The following TENM2 variants were observed in gnomAD, a reference collection of about 807,000 sequenced individuals.
TENM2 encodes teneurin-2.
In TENM2, 52 loss-of-function variants were observed where a neutral mutation model predicts 245.2. That is an observed-to-expected ratio of 0.21 (90% CI 0.17 to 0.27). The LOEUF (loss-of-function observed/expected upper bound fraction) is 0.27, where lower values mean the gene tolerates loss of function less well. Ranked by LOEUF, TENM2 falls within the 10% of genes least tolerant of loss-of-function variation. The probability of loss-of-function intolerance (pLI) is 1.00; values close to 1 mark genes in which losing one functional copy is unlikely to be tolerated. For missense variants in TENM2, 3,046 were observed against 3,666.8 expected, an observed-to-expected ratio of 0.83 and a Z score of 4.37; for synonymous variants, 1,363 against 1,438.9, an observed-to-expected ratio of 0.95 and a Z score of 1.19.
At chr5:167,851,210 A>G (rs1770549976) in intron 2 of TENM2, among the ~76,000 whole-genome samples, 1 of 152,104 alleles carries the variant, frequency 6.6e-6, no homozygotes, top group Non-Finnish European at 1.5e-5. Context: ...GGCAGAGGGG[A>G]TAAACTGTGA....
chr5:167,033,898 A>C, the TENM2 span, among the ~76,000 whole-genome samples: 1 of 152,218 alleles, frequency 6.6e-6, no homozygotes, highest in South Asian at 2.1e-4. Flanking sequence ...GGGGAGGTGG[A>C]GTATGGTATT....
chr5:167,515,707 C>CA (rs1770333813), intron 2 of TENM2, among the ~76,000 whole-genome samples: 1 of 61,186 alleles, frequency 1.6e-5, no homozygotes, highest in African/African-American at 5.7e-5. Flanking sequence ...GCTCTGTTGC[C>CA]CAGACTGGAG....
chr5:168,217,174 C>T (rs1465033768), intron 22 of TENM2, among the ~76,000 whole-genome samples: 3 of 152,184 alleles, frequency 2.0e-5, no homozygotes, highest in African/African-American at 7.2e-5. Context: ...GTGACACACT[C>T]CAGCCGTGGC....
chr5:168,116,537 C>T (rs1172776859), intron 9 of TENM2, among the ~76,000 whole-genome samples: 1 of 152,274 alleles, frequency 6.6e-6, no homozygotes, highest in Non-Finnish European at 1.5e-5. Context: ...CCATTTAGTG[C>T]TTGCCCGCAA....
chr5:167,354,596 T>C (rs1773058186), intron 1 of TENM2, among the ~76,000 whole-genome samples: 1 of 152,176 alleles, frequency 6.6e-6, no homozygotes, highest in South Asian at 2.1e-4. Context: ...AAGCTGAAAG[T>C]CTTTATATTC....
intron 5 of TENM2, among the ~76,000 whole-genome samples, chr5:168,016,943 A>G (rs1199042877): frequency 6.6e-6 from 1 of 152,214 alleles, no homozygotes; most frequent in Non-Finnish European, 1.5e-5. Flanking sequence ...GATTGTTAGA[A>G]GAGATTAGAG....
At chr5:167,421,832 G>A (rs571251836) in intron 2 of TENM2, among the ~76,000 whole-genome samples, 17 of 152,094 alleles carry the variant, frequency 1.1e-4, no homozygotes, top group Middle Eastern at 3.4e-3. Context: ...TCCCTCTGTC[G>A]CCCAGGCTGG....
chr5:167,739,194 G>C (rs78381193), intron 2 of TENM2, among the ~76,000 whole-genome samples: 1,596 of 152,262 alleles, frequency 0.01, 106 homozygotes, highest in Admixed American at 0.087. Context: ...TCTAGCCATG[G>C]GTAGGGTGTA....
chr5:167,390,639 A>G (rs12654350), intron 2 of TENM2, among the ~76,000 whole-genome samples: 2 of 151,998 alleles, frequency 1.3e-5, no homozygotes, highest in Admixed American at 1.3e-4. Context: ...TATAATAAGC[A>G]TATGGCTCTG....
the TENM2 span, among the ~76,000 whole-genome samples, chr5:167,101,933 T>C: frequency 2.4e-5 from 3 of 123,232 alleles, no homozygotes; most frequent in Non-Finnish European, 4.7e-5. Flanking sequence ...ATTATATATA[T>C]ATATATTTTT....
chr5:168,167,110 A>C (rs989479748), intron 13 of TENM2, among the ~76,000 whole-genome samples: 4 of 152,178 alleles, frequency 2.6e-5, no homozygotes, highest in African/African-American at 9.7e-5. Flanking sequence ...CCCCAATTTG[A>C]AAAAGAAGAG....
intron 2 of TENM2, among the ~76,000 whole-genome samples, chr5:167,415,238 A>G (rs1404813366): frequency 6.6e-6 from 1 of 151,684 alleles, no homozygotes; most frequent in African/African-American, 2.4e-5. Context: ...CTGGGAGGAA[A>G]TTGTATCATT....
intron 2 of TENM2, among the ~76,000 whole-genome samples, chr5:167,816,515 C>T (rs1010537886): frequency 2.6e-5 from 4 of 152,184 alleles, no homozygotes; most frequent in Non-Finnish European, 5.9e-5. Context: ...AACAACTGTT[C>T]TGCCCCTGTG....
intron 4 of TENM2, among the ~76,000 whole-genome samples, chr5:167,983,266 G>T (rs1043346276): frequency 6.6e-6 from 1 of 151,938 alleles, no homozygotes; most frequent in Non-Finnish European, 1.5e-5. Context: ...TAATGACCTC[G>T]AGAGACCTTG....
At chr5:167,689,561 G>A (rs1020365906) in intron 2 of TENM2, among the ~76,000 whole-genome samples, 35 of 152,164 alleles carry the variant, frequency 2.3e-4, no homozygotes, top group African/African-American at 8.0e-4. Flanking sequence ...ATTTATCTCT[G>A]CATGTCTTTT....
intron 2 of TENM2, among the ~76,000 whole-genome samples, chr5:167,385,001 A>G (rs970550559): frequency 6.6e-6 from 1 of 152,216 alleles, no homozygotes; most frequent in Non-Finnish European, 1.5e-5. Flanking sequence ...TGTTCCTTAC[A>G]GTGCAATCTA....
chr5:167,821,226 G>A (rs900507569), intron 2 of TENM2: 2 of 152,168 alleles, frequency 1.3e-5, no homozygotes, highest in African/African-American at 4.8e-5. Context: ...TAGAAAAGAA[G>A]ATTCAAGCAG....
chr5:167,877,644 CAA>C (rs1561888040), intron 3 of TENM2, among the ~76,000 whole-genome samples: 2 of 152,160 alleles, frequency 1.3e-5, no homozygotes, highest in African/African-American at 4.8e-5. Context: ...TACCGCGGAA[CAA>C]TGACACTGTA....
At chr5:167,263,457 G>C in the TENM2 span, among the ~76,000 whole-genome samples, 6 of 152,204 alleles carry the variant, frequency 3.9e-5, no homozygotes, top group Non-Finnish European at 8.8e-5. Context: ...TGAGGAAGCA[G>C]AGAATTCAGA....
Sources: allele counts gnomAD v4.1 joint callset (sites outside exome capture counted in the v4.1 genomes callset), GRCh38; gene constraint gnomAD v4.1.1; transcripts MANE v1.5; gene names NCBI Gene and HGNC (gene_info 2026-07-23, HGNC 2026-07-21).